Variants in LAMA1 observed in about 807,000 individuals in gnomAD.
The protein encoded by LAMA1 is laminin subunit alpha 1.
In LAMA1, 219 loss-of-function variants were observed where a neutral mutation model predicts 348.7. The ratio of observed to expected loss-of-function variants is 0.63; its 90% confidence interval spans 0.56 to 0.70. The LOEUF (loss-of-function observed/expected upper bound fraction) is 0.70. LAMA1 is among the 30% of genes least tolerant of loss of function. LAMA1 has a pLI of 0.00. For synonymous variants in LAMA1, 1,487 were observed against 1,491.0 expected, an observed-to-expected ratio of 1.00 and a Z score of 0.06; for missense variants, 3,744 against 3,888.0, an observed-to-expected ratio of 0.96 and a Z score of 0.99.
At chr18:6,979,837 T>C (rs944563918) in intron 42 of LAMA1, among the ~76,000 whole-genome samples, 1 of 152,092 alleles carries the variant, frequency 6.6e-6, no homozygotes, top group African/African-American at 2.4e-5. Context: ...GGGCGGAGCT[T>C]GCAGTGAGCC....
Position 6,985,236 on chromosome 18 carries a change from C to A in LAMA1, c.5660+1G>T, listed in dbSNP as rs1175485751. On this transcript the variant is annotated splice_donor_variant, in intron 39 of 62. Transcript: ENST00000389658. LOFTEE classifies it high-confidence loss of function. ...GAGTTCCCACAAAGGCGTGTTCCTA[C>A]CTGTACAGAACATCTGCTAGTCTCT... The A allele has an allele frequency of 6.2e-7, 1 of 1,613,956 alleles. No homozygotes were observed. The highest frequency in any genetic ancestry group is 8.5e-7 in the Non-Finnish European group (1 of 1,179,954).
At position 6,976,044 on chromosome 18, in the gene LAMA1, G is replaced by A. The variant is rs759888832; in HGVS notation, c.6382C>T (p.Arg2128Trp). Residue 2128 changes from arginine (R) to tryptophan (W), a missense_variant, in exon 45 of 63, where the codon CGG becomes TGG. By Grantham distance (101) the Arg-to-Trp change is moderately radical. This residue lies in a region of LAMA1 where 1,983 missense variants were observed against 1,934.3 expected (regional missense o/e 1.03). Transcript: ENST00000389658. Reference protein sequence around the residue: ...VAVSADRDCIRAYQPQISSTN... With the variant: ...VAVSADRDCIWAYQPQISSTN... The stretch of plus-strand genomic sequence containing the variant: ...GAGGAAATCTGAGGCTGGTAGGCCC[G>A]GATGCAATCTCTGTCTGCAGACACG... 10 of 1,614,160 alleles carry A rather than the reference G, an allele frequency of 6.2e-6. No homozygotes were observed. The highest frequency in any genetic ancestry group is 2.2e-5 in the South Asian group (2 of 91,078).
chr18:7,049,720 A>C (rs2058055380), intron 4 of LAMA1, among the ~76,000 whole-genome samples: 1 of 152,234 alleles, frequency 6.6e-6, no homozygotes, highest in South Asian at 2.1e-4. Flanking sequence ...AAATATGTCT[A>C]ACATTTGTTA....
intron 15 of LAMA1, 46 bp from the exon 16 acceptor site, chr18:7,032,222 A>G (rs7240655): frequency 0.2 from 252,112 of 1,279,798 alleles, 29,634 homozygotes; most frequent in African/African-American, 0.54. Context: ...CGTTACAAAC[A>G]GAAACTGCTC....
intron 61 of LAMA1, 150 bp downstream of exon 61, chr18:6,947,013 T>C: frequency 9.4e-7 from 1 of 1,058,918 alleles, no homozygotes; most frequent in Non-Finnish European, 1.4e-6. Context: ...AAAAAGGTTT[T>C]CTTGTAGCAA....
intron 1 of LAMA1, among the ~76,000 whole-genome samples, chr18:7,110,420 GCAGC>G (rs1389536187): frequency 6.6e-6 from 1 of 152,188 alleles, no homozygotes; most frequent in Non-Finnish European, 1.5e-5. Context: ...AACAGGGAGG[GCAGC>G]CATCTGGAGA....
Position 7,007,119 on chromosome 18 carries a change from AC to A in LAMA1, c.4260+19del. ...ACTTTACTTCTAAACTCAGGCAAGC[AC>A]CCCCACAAACCAGCATACCAGACAC... On this transcript the variant is annotated intron_variant, in intron 29 of 62. Transcript: ENST00000389658. 6.2e-7 allele frequency: 1 copy of A among 1,613,322 alleles called. No individual in the cohort carries two copies. The highest frequency in any genetic ancestry group is 8.5e-7 in the Non-Finnish European group (1 of 1,179,764).
intron 45 of LAMA1, 121 bp from the exon 46 acceptor site, chr18:6,975,157 A>C: frequency 4.3e-6 from 5 of 1,171,122 alleles, no homozygotes; most frequent in Non-Finnish European, 5.9e-6. Flanking sequence ...AATACATAAA[A>C]AGCAAACCCC....
In LAMA1 at chr18:7,074,416, T is replaced by C. The variant is rs16951191; in HGVS notation, c.345+5559A>G. 0.017 allele frequency among the ~76,000 whole-genome samples: 2,657 copies of C among 152,284 alleles called. 142 individuals are homozygous for C. The East Asian group carries it at 0.23, about 13-fold the overall frequency. On this transcript the variant is annotated intron_variant, in intron 3 of 62. Coordinates refer to ENST00000389658, the MANE Select transcript of LAMA1 (RefSeq NM_005559.4). ...GTTCTTCTACTGAGAAATGCTACCA[T>C]AGGGAATAAATTTTCCTGTAATTCG... is the stretch of plus-strand genomic sequence containing the variant.
At position 7,023,186 on chromosome 18, in the gene LAMA1, A is replaced by T. The variant is rs765440146; in HGVS notation, c.2679T>A (p.Ala893=). Residue 893 remains alanine, a synonymous_variant, in exon 19 of 63, where the codon GCT becomes GCA. Coordinates refer to ENST00000389658, the MANE Select transcript of LAMA1 (RefSeq NM_005559.4). ...ERCADGFYGD[A]VTAKNCRACE... is the part of the protein sequence containing the mutation. ...CACCGCGGCAGTTCTTGGCTGTCAC[A>T]GCGTCCCCATAGAACCCGTCAGCAC... The T allele has an allele frequency of 6.2e-7, 1 of 1,612,888 alleles. No homozygotes were observed. The highest frequency in any genetic ancestry group is 1.1e-5 in the South Asian group (1 of 90,970).
intron 57 of LAMA1, among the ~76,000 whole-genome samples, chr18:6,952,015 A>C (rs909612114): frequency 6.6e-6 from 1 of 152,178 alleles, no homozygotes; most frequent in Non-Finnish European, 1.5e-5. Context: ...AACCTGTCCC[A>C]GTCCACATGC....
At chr18:6,978,435 A>C (rs2057693236) in intron 42 of LAMA1, 57 bp from the exon 43 acceptor site, 1 of 1,434,242 alleles carries the variant, frequency 7.0e-7, no homozygotes, top group Admixed American at 1.7e-5. Flanking sequence ...AGAGAAAAGA[A>C]TAAAACGACA....
chr18:6,941,936 G>T lies in LAMA1; in HGVS notation c.*143C>A. ...GGTATTTGTTGCACATGTGGTTTTA[G>T]TGTAACGTAAACACAACATCTCTCC... On this transcript the variant is annotated 3_prime_UTR_variant, in exon 63 of 63. Coordinates refer to ENST00000389658, the MANE Select transcript of LAMA1 (RefSeq NM_005559.4). 1 of 976,196 alleles carries T rather than the reference G, an allele frequency of 1.0e-6. No homozygotes were observed. The highest frequency in any genetic ancestry group is 1.6e-6 in the Non-Finnish European group (1 of 618,556). 60.5% of individuals were successfully genotyped at this position (976,196 alleles called of 1,614,324 possible).
In LAMA1 at chr18:6,966,210, T is replaced by C; in HGVS notation, c.6987A>G (p.Ile2329Met). 1 of 1,614,012 alleles carries C rather than the reference T, an allele frequency of 6.2e-7. No individual in the cohort carries two copies. The highest frequency in any genetic ancestry group is 8.5e-7 in the Non-Finnish European group (1 of 1,179,974). ...EKSLPATVTQ[I>M]IMLFNTFSPN... ...GTGAAAAGGTATTAAAAAGCATGAT[T>C]ATCTGGGTCACGGTAGCCGGAAGTG... The change falls in exon 49 of 63, where the codon ATA (isoleucine) becomes ATG (methionine). Residue 2329 changes from isoleucine (I) to methionine (M), a missense_variant. This residue lies in a region of LAMA1 where 1,983 missense variants were observed against 1,934.3 expected (regional missense o/e 1.03). Coordinates refer to ENST00000389658, the MANE Select transcript of LAMA1 (RefSeq NM_005559.4).
intron 3 of LAMA1, among the ~76,000 whole-genome samples, chr18:7,074,451 T>C (rs1598306635): frequency 6.6e-6 from 1 of 152,178 alleles, no homozygotes; most frequent in African/African-American, 2.4e-5. Flanking sequence ...GTGGAACCTA[T>C]AGGATTTTGG....
At chr18:7,081,250 T>C (rs1212120700) in intron 1 of LAMA1, among the ~76,000 whole-genome samples, 2 of 152,164 alleles carry the variant, frequency 1.3e-5, no homozygotes. Context: ...CAATAAAATG[T>C]TGTGAAACAG....
intron 19 of LAMA1, among the ~76,000 whole-genome samples, chr18:7,021,371 T>C (rs892036136): frequency 2.0e-5 from 3 of 152,200 alleles, no homozygotes; most frequent in Admixed American, 6.5e-5. Flanking sequence ...TGAGTTTAAA[T>C]TTAAATACTG....
chr18:6,982,685 C>T (rs2144052426), intron 40 of LAMA1, 95 bp from the exon 41 acceptor site: 2 of 1,027,818 alleles, frequency 1.9e-6, no homozygotes, highest in Non-Finnish European at 1.5e-6. Flanking sequence ...AGCCCCCAGA[C>T]ACATTCCCAG....
chr18:6,962,941 T>A (rs1415291495), intron 51 of LAMA1, among the ~76,000 whole-genome samples: 1 of 152,226 alleles, frequency 6.6e-6, no homozygotes, highest in Non-Finnish European at 1.5e-5. Context: ...GGCTATAATG[T>A]AGTCCAGCTC....
Sources: gnomAD v4.1 joint callset for allele counts (sites outside exome capture counted in the v4.1 genomes callset) on GRCh38, gnomAD v4.1.1 for gene constraint, gnomAD v4.1.1 regional missense constraint, MANE v1.5 for transcripts, NCBI Gene and HGNC (gene_info 2026-07-23, HGNC 2026-07-21) for gene names.